Variants in CNTN3 observed in about 807,000 individuals in gnomAD.
CNTN3 encodes the protein contactin 3, also known as contactin-3.
CNTN3 carries 60 observed loss-of-function variants against 119.1 expected under a neutral mutation model. The ratio of observed to expected loss-of-function variants is 0.50; its 90% CI spans 0.41 to 0.62. The LOEUF (loss-of-function observed/expected upper bound fraction) is 0.62, where lower values mean the gene tolerates loss of function less well. Among genes scored for constraint, CNTN3 ranks in the 20% least tolerant of loss-of-function variants. The probability of loss-of-function intolerance (pLI) is 0.00; values close to 1 mark genes in which losing one functional copy is unlikely to be tolerated. For synonymous variants in CNTN3, 450 were observed against 438.7 expected (o/e 1.03, Z -0.32); for missense variants, 1,101 against 1,242.4 (o/e 0.89, Z 1.71).
chr3:74,422,587 T>C, intron 5 of CNTN3, among the ~76,000 whole-genome samples: 1 of 152,214 alleles, frequency 6.6e-6, no homozygotes, highest in Non-Finnish European at 1.5e-5. Context: ...ATGTTCACTC[T>C]GTGCATACTT....
In CNTN3 at chr3:74,440,026, G is replaced by A. The variant is rs184654898; in HGVS notation, c.359-15086C>T. On this transcript the variant is annotated intron_variant, in intron 4 of 22. Transcript: ENST00000263665. ...AAAGACCCAAGGCAATGATAAATGA[G>A]ACAAAGCTTTTAAAATGTATATGAC... Among the ~76,000 whole-genome samples the A allele has an allele frequency of 2.0e-5, 3 of 152,288 alleles. No homozygotes were observed. The East Asian group carries it at 5.8e-4, about 29-fold the overall frequency.
intron 5 of CNTN3, among the ~76,000 whole-genome samples, chr3:74,376,790 G>C (rs564047785): frequency 1.6e-4 from 25 of 152,148 alleles, no homozygotes; most frequent in Admixed American, 1.3e-3. Context: ...TAAGTTTGTA[G>C]TAATTTGTTA....
At position 74,475,999 on chromosome 3, in the gene CNTN3, C is replaced by T. The variant is rs117919840; in HGVS notation, c.358+10457G>A. On this transcript the variant is annotated intron_variant, in intron 4 of 22. Coordinates refer to ENST00000263665, the MANE Select transcript of CNTN3 (RefSeq NM_020872.3). ...TTGGTGATCTTGCTGTTTAAAATGG[C>T]CCCCAGGTATAGTACTGAAATGCAG... 1.2e-4 allele frequency among the ~76,000 whole-genome samples: 19 copies of T among 152,218 alleles called. No individual in the cohort carries two copies. The East Asian group carries it at 1.9e-3, about 15-fold the overall frequency.
At chr3:74,301,593 T>TGACTTGAAA in intron 15 of CNTN3, 46 bp from the exon 16 acceptor site, 2 of 1,612,144 alleles carry the variant, frequency 1.2e-6, no homozygotes, top group South Asian at 1.1e-5. Context: ...GCTTTAGCAT[T>TGACTTGAAA]GACTTGAAAT....
intron 1 of CNTN3, among the ~76,000 whole-genome samples, chr3:74,523,862 C>A (rs573205097): frequency 6.6e-6 from 1 of 152,048 alleles, no homozygotes; most frequent in African/African-American, 2.4e-5. Context: ...ATTGATAAAT[C>A]TCTGAAGGTA....
At chr3:74,490,662 A>C (rs1400147065) in intron 3 of CNTN3, among the ~76,000 whole-genome samples, 1 of 152,194 alleles carries the variant, frequency 6.6e-6, no homozygotes, top group African/African-American at 2.4e-5. Flanking sequence ...AATCAAAAGG[A>C]GAAAGATTTG....
intron 5 of CNTN3, among the ~76,000 whole-genome samples, chr3:74,387,922 T>A (rs188693149): frequency 2.9e-4 from 44 of 152,342 alleles, no homozygotes; most frequent in African/African-American, 1.0e-3. Context: ...TATTTAACAT[T>A]CTAACTCATC....
In CNTN3 at chr3:74,297,994, T is replaced by C. The variant is rs748950556; in HGVS notation, c.2364A>G (p.Pro788=). 6.2e-6 allele frequency: 10 copies of C among 1,614,028 alleles called. No individual in the cohort carries two copies. In the East Asian group the frequency reaches 2.2e-4, roughly 36 times the overall value. The change falls in exon 18 of 23, where the codon CCA becomes CCG. Residue 788 remains proline (P), a synonymous_variant. Transcript: ENST00000263665. ...VGVYNNKGEG[P]FSPVTTVFSA... is the part of the protein sequence containing the mutation. ...AGAACACTGTTGTCACTGGGCTAAA[T>C]GGTCCTTCACCTTTGTTATTATAAA...
chr3:74,613,654 T>A (rs988879718), intron 1 of CNTN3, among the ~76,000 whole-genome samples: 1 of 152,188 alleles, frequency 6.6e-6, no homozygotes, highest in Admixed American at 6.5e-5. Context: ...AAGCTGTTCG[T>A]TCATTTCACG....
intron 3 of CNTN3, among the ~76,000 whole-genome samples, chr3:74,493,317 A>G (rs73839734): frequency 0.029 from 4,467 of 152,198 alleles, 199 homozygotes; most frequent in African/African-American, 0.1. Context: ...GAAGCTAACA[A>G]AACCGACTTT....
At chr3:74,603,236 C>T (rs1260111714) in intron 1 of CNTN3, among the ~76,000 whole-genome samples, 1 of 152,156 alleles carries the variant, frequency 6.6e-6, no homozygotes, top group African/African-American at 2.4e-5. Flanking sequence ...GAAGCACAAC[C>T]TTGGCTGAGA....
chr3:74,287,998 A>T (rs1009906795), intron 19 of CNTN3, among the ~76,000 whole-genome samples: 3 of 152,088 alleles, frequency 2.0e-5, no homozygotes, highest in African/African-American at 7.2e-5. Context: ...AATTGTCTGT[A>T]TCTTATTTTC....
At chr3:74,570,822 A>G (rs189858694) in intron 1 of CNTN3, among the ~76,000 whole-genome samples, 8 of 152,288 alleles carry the variant, frequency 5.3e-5, no homozygotes, top group Admixed American at 2.0e-4. Context: ...GTGGGCTTCT[A>G]TTTTTACATA....
At chr3:74,298,235 A>G in intron 17 of CNTN3, 44 bp from the exon 18 acceptor site, 3 of 1,263,800 alleles carry the variant, frequency 2.4e-6, no homozygotes, top group South Asian at 1.6e-5. Context: ...ACATAAGGGC[A>G]AGGCAAAAAT....
At chr3:74,541,170 G>A (rs1166001971) in intron 1 of CNTN3, among the ~76,000 whole-genome samples, 3 of 152,080 alleles carry the variant, frequency 2.0e-5, no homozygotes, top group African/African-American at 4.8e-5. Flanking sequence ...AAAACATCGT[G>A]CCATCGCCAT....
rs1184597527 is a variant in CNTN3 at position 74,614,499 on chromosome 3, G to T, written c.-189C>A. ...GCCGCAGTTAGTCCGGGCCCGGGGGGCCGCCGTGCGCGCCCGCGTAAGCCG... is the reference window on the plus strand; with the variant it reads ...GCCGCAGTTAGTCCGGGCCCGGGGGTCCGCCGTGCGCGCCCGCGTAAGCCG... On this transcript the variant is annotated 5_prime_UTR_variant, in exon 1 of 23. Transcript: ENST00000263665. Among the ~76,000 whole-genome samples, 3 of 145,220 alleles carry T rather than the reference G, an allele frequency of 2.1e-5. No homozygotes were observed. The highest frequency in any genetic ancestry group is 7.4e-5 in the African/African-American group (3 of 40,332).
intron 11 of CNTN3, among the ~76,000 whole-genome samples, chr3:74,360,208 C>A (rs1444605404): frequency 6.6e-6 from 1 of 152,170 alleles, no homozygotes; most frequent in Non-Finnish European, 1.5e-5. Context: ...CAATCTGATG[C>A]TGTGATATTT....
In CNTN3 at chr3:74,464,618, T is replaced by C. The variant is rs113696970; in HGVS notation, c.358+21838A>G. On this transcript the variant is annotated intron_variant, in intron 4 of 22. Coordinates refer to ENST00000263665, the MANE Select transcript of CNTN3 (RefSeq NM_020872.3). The stretch of plus-strand genomic sequence containing the variant: ...GCTACTAAATCCAGTAGGTGGCATC[T>C]GAAAAGTGACTACACAGAAAAAAAA... Among the ~76,000 whole-genome samples the C allele has an allele frequency of 9.6e-3, 1,455 of 152,252 alleles. 19 individuals are homozygous for C. Among genetic ancestry groups the C allele is most frequent in the African/African-American group, 0.033 (1,382 of 41,548 alleles).
At chr3:74,396,301 C>A (rs1331490420) in intron 5 of CNTN3, among the ~76,000 whole-genome samples, 14 of 152,106 alleles carry the variant, frequency 9.2e-5, no homozygotes. Context: ...GTAGTGAATG[C>A]AGAAGAAAAG....
Sources: allele counts gnomAD v4.1 joint callset (sites outside exome capture counted in the v4.1 genomes callset), GRCh38; gene constraint gnomAD v4.1.1; transcripts MANE v1.5; gene names NCBI Gene and HGNC (gene_info 2026-07-23, HGNC 2026-07-21).